The following ROBO1 variants were observed in gnomAD, a reference collection of about 807,000 sequenced individuals.
ROBO1 encodes the protein roundabout guidance receptor 1, also known as roundabout homolog 1.
Under a neutral mutation model 195.9 loss-of-function variants are expected in ROBO1, and 149 were observed. That is an observed-to-expected ratio of 0.76 (90% CI 0.67 to 0.87). The LOEUF is 0.87. Ranked by LOEUF, ROBO1 falls within the 40% of genes least tolerant of loss-of-function variation. The pLI is 0.00. For missense variants in ROBO1, 1,933 were observed against 2,068.3 expected, an observed-to-expected ratio of 0.93 and a Z score of 1.27; for synonymous variants, 816 against 733.2, an observed-to-expected ratio of 1.11 and a Z score of -1.82.
chr3:79,230,365 C>T (rs1002755450), intron 2 of ROBO1, among the ~76,000 whole-genome samples: 2 of 152,076 alleles, frequency 1.3e-5, no homozygotes, highest in Non-Finnish European at 2.9e-5. Context: ...TCTGGTCTCA[C>T]CTTTTGTCTC....
chr3:79,767,876 A>C lies in ROBO1; in HGVS notation c.-175T>G, dbSNP rs1404161101. The stretch of plus-strand genomic sequence containing the variant: ...CGAAAGGTGACAGACTTTTAAACCT[A>C]AGAGTGGGGAAATAGGGAGAGAGTG... On this transcript the variant is annotated 5_prime_UTR_variant, in exon 1 of 31. Transcript: ENST00000464233. 1 of 152,160 alleles carries C rather than the reference A, an allele frequency of 6.6e-6. No individual in the cohort carries two copies. Among genetic ancestry groups the C allele is most frequent in the Non-Finnish European group, 1.5e-5 (1 of 68,052 alleles). The allele number at this position is 152,160 out of a possible 1,614,324, so 9.4% of individuals were successfully genotyped here.
intron 2 of ROBO1, among the ~76,000 whole-genome samples, chr3:79,280,708 T>TTTCGGG (rs1216047771): frequency 6.6e-6 from 1 of 152,160 alleles, no homozygotes; most frequent in Non-Finnish European, 1.5e-5. Context: ...AGGAGAATGG[T>TTTCGGG]TTCGGGATGA....
In ROBO1 at chr3:79,056,618, G is replaced by A. The variant is rs112015963; in HGVS notation, c.172+68838C>T. 4.7e-3 allele frequency among the ~76,000 whole-genome samples: 709 copies of A among 152,134 alleles called. 8 individuals are homozygous for A. The highest frequency in any genetic ancestry group is 0.016 in the African/African-American group (681 of 41,528). ...CTACTTTAGGTATTCCAACCTATGC[G>A]CTGTCTAACTTGTTTTCTATGCTGC... On this transcript the variant is annotated intron_variant, in intron 3 of 30. Transcript: ENST00000464233.
At chr3:79,139,271 G>A (rs772136059) in intron 2 of ROBO1, among the ~76,000 whole-genome samples, 3 of 152,080 alleles carry the variant, frequency 2.0e-5, no homozygotes, top group South Asian at 2.1e-4. Flanking sequence ...TAAATGCCAC[G>A]AAGAAGCTAT....
intron 2 of ROBO1, among the ~76,000 whole-genome samples, chr3:79,408,162 G>A (rs1436761388): frequency 6.6e-6 from 1 of 151,846 alleles, no homozygotes. Context: ...AGGTTGTGGT[G>A]AGCTGAGATC....
chr3:79,408,971 G>C (rs992453427), intron 2 of ROBO1, among the ~76,000 whole-genome samples: 2 of 151,950 alleles, frequency 1.3e-5, no homozygotes, highest in African/African-American at 4.8e-5. Context: ...AATACACTTT[G>C]AGTTTCTATG....
intron 2 of ROBO1, among the ~76,000 whole-genome samples, chr3:79,444,153 G>C (rs1215844460): frequency 6.6e-6 from 1 of 151,896 alleles, no homozygotes; most frequent in African/African-American, 2.4e-5. Flanking sequence ...TAATTTCAAT[G>C]ATATTGAGAA....
intron 3 of ROBO1, among the ~76,000 whole-genome samples, chr3:79,111,314 A>T (rs976921320): frequency 5.3e-5 from 8 of 152,142 alleles, no homozygotes; most frequent in Admixed American, 4.6e-4. Context: ...CTTGTGTGAA[A>T]GTTTAGAGGA....
chr3:78,709,693 T>A (rs1256997932), intron 8 of ROBO1, among the ~76,000 whole-genome samples: 1 of 152,192 alleles, frequency 6.6e-6, no homozygotes, highest in East Asian at 1.9e-4. Flanking sequence ...GAAATGATCA[T>A]TAAGGAGATA....
At chr3:79,182,861 C>T (rs1243536941) in intron 2 of ROBO1, among the ~76,000 whole-genome samples, 2 of 151,876 alleles carry the variant, frequency 1.3e-5, no homozygotes, top group East Asian at 1.9e-4. Context: ...AGGCGGATCA[C>T]GAGGTCAGGA....
chr3:78,711,113 T>C (rs1012697225), intron 8 of ROBO1, among the ~76,000 whole-genome samples: 1 of 152,212 alleles, frequency 6.6e-6, no homozygotes, highest in Non-Finnish European at 1.5e-5. Context: ...AAACAATTAC[T>C]GTGCTCTTTC....
In ROBO1 at chr3:78,724,085, T is replaced by C. The variant is rs556983119; in HGVS notation, c.658-6202A>G. On this transcript the variant is annotated intron_variant, in intron 5 of 30. Transcript: ENST00000464233. ...CTGGGAGACACTGCCTCAGGGATGA[T>C]AGAGATAGAAACTGGTAAAAGTGAA... Among the ~76,000 whole-genome samples the C allele has an allele frequency of 2.4e-4, 36 of 152,196 alleles. No homozygotes were observed. In the East Asian group the frequency reaches 5.6e-3, roughly 24 times the overall value.
At chr3:79,018,875 G>T in intron 3 of ROBO1, 5 of 1,003,240 alleles carry the variant, frequency 5.0e-6, no homozygotes, top group Non-Finnish European at 6.0e-6. Flanking sequence ...CAAAGTTGGG[G>T]TGTGAGAGCT....
intron 1 of ROBO1, among the ~76,000 whole-genome samples, chr3:79,695,608 A>G (rs1947421811): frequency 6.6e-6 from 1 of 151,544 alleles, no homozygotes; most frequent in Admixed American, 6.6e-5. Flanking sequence ...GGAGTGGAGA[A>G]TGCAAAAAAC....
intron 1 of ROBO1, among the ~76,000 whole-genome samples, chr3:79,674,423 T>C (rs1946721723): frequency 6.6e-6 from 1 of 151,918 alleles, no homozygotes; most frequent in Non-Finnish European, 1.5e-5. Flanking sequence ...TTGTTCTTGG[T>C]TTAGAAATTA....
intron 2 of ROBO1, among the ~76,000 whole-genome samples, chr3:79,453,245 C>T (rs921506032): frequency 2.0e-5 from 3 of 151,980 alleles, no homozygotes; most frequent in Admixed American, 6.6e-5. Flanking sequence ...CTAAGCAACA[C>T]CTGAGCCATC....
Position 78,793,484 on chromosome 3 carries a change from G to C in ROBO1, c.500-46584C>G, listed in dbSNP as rs374954605. Among the ~76,000 whole-genome samples the C allele has an allele frequency of 1.1e-4, 16 of 152,282 alleles. No homozygotes were observed. The East Asian group carries it at 3.1e-3, about 29-fold the overall frequency. ...AGAATAATCATAAAATGCCACCTAA[G>C]TGATGACAAGTAGGAGAAAATAAAT... On this transcript the variant is annotated intron_variant, in intron 4 of 30. Transcript: ENST00000464233.
At chr3:79,549,611 A>G (rs923033851) in intron 2 of ROBO1, among the ~76,000 whole-genome samples, 1 of 152,214 alleles carries the variant, frequency 6.6e-6, no homozygotes, top group Non-Finnish European at 1.5e-5. Flanking sequence ...AGGTATTATA[A>G]GTAATCTATA....
intron 2 of ROBO1, among the ~76,000 whole-genome samples, chr3:79,525,983 T>C (rs1449672864): frequency 1.3e-5 from 2 of 152,154 alleles, no homozygotes; most frequent in Non-Finnish European, 2.9e-5. Context: ...AGTATGCAAC[T>C]AATAATAAAA....
Sources: gnomAD v4.1 joint callset for allele counts (sites outside exome capture counted in the v4.1 genomes callset) on GRCh38, gnomAD v4.1.1 for gene constraint, MANE v1.5 for transcripts, NCBI Gene and HGNC (gene_info 2026-07-23, HGNC 2026-07-21) for gene names.